MARK4: variants seen among roughly 807,000 people sequenced by gnomAD.
MARK4 encodes the protein microtubule affinity regulating kinase 4, also known as MAP/microtubule affinity-regulating kinase 4.
In MARK4, 19 loss-of-function variants were observed where a neutral mutation model predicts 81.5. That is an observed-to-expected ratio of 0.23 (90% CI 0.16 to 0.34). The LOEUF is 0.34. Among genes scored for constraint, MARK4 ranks in the 10% least tolerant of loss-of-function variants. The pLI is 1.00. For synonymous variants in MARK4, 436 were observed against 439.0 expected, an observed-to-expected ratio of 0.99 and a Z score of 0.08; for missense variants, 772 against 1,058.8, an observed-to-expected ratio of 0.73 and a Z score of 3.76.
At chr19:45,272,503 C>T (rs187662809) in intron 8 of MARK4, among the ~76,000 whole-genome samples, 2 of 152,022 alleles carry the variant, frequency 1.3e-5, no homozygotes, top group Non-Finnish European at 2.9e-5. Context: ...AAGTGGATTA[C>T]TGGTTGCCTG....
intron 1 of MARK4, among the ~76,000 whole-genome samples, chr19:45,256,961 T>C (rs1030301143): frequency 7.9e-6 from 1 of 126,526 alleles, no homozygotes; most frequent in Non-Finnish European, 1.7e-5. Context: ...GTTTTTCCTC[T>C]TTTTTTTTTA....
At chr19:45,254,027 C>T (rs773600332) in intron 1 of MARK4, among the ~76,000 whole-genome samples, 11 of 152,276 alleles carry the variant, frequency 7.2e-5, no homozygotes, top group Non-Finnish European at 1.5e-4. Flanking sequence ...GCCTGTCAGT[C>T]CTGGTGGGGA....
At chr19:45,299,767 C>A in intron 15 of MARK4, 44 bp from the exon 16 acceptor site, 1 of 1,529,470 alleles carries the variant, frequency 6.5e-7, no homozygotes, top group Non-Finnish European at 8.9e-7. Context: ...GAGGTGGGTT[C>A]CCTATGTCCA....
intron 4 of MARK4, among the ~76,000 whole-genome samples, chr19:45,264,240 G>A (rs974224608): frequency 4.0e-5 from 6 of 151,716 alleles, no homozygotes; most frequent in African/African-American, 1.5e-4. Context: ...GGTGGCTCAC[G>A]TCTGTAATCC....
At chr19:45,263,082 G>T (rs1970400224) in intron 2 of MARK4, 31 bp from the exon 3 acceptor site, 5 of 1,588,792 alleles carry the variant, frequency 3.1e-6, no homozygotes, top group South Asian at 1.1e-5. Context: ...GTGGCACCTT[G>T]ACCGTCCCTC....
At position 45,291,880 on chromosome 19, in the gene MARK4, G is replaced by A. The variant is rs58422624; in HGVS notation, c.1495-2469G>A. Among the ~76,000 whole-genome samples, 725 of 152,326 alleles carry A rather than the reference G, an allele frequency of 4.8e-3. 5 individuals carry two copies. The highest frequency in any genetic ancestry group is 0.017 in the African/African-American group (687 of 41,584). Reference sequence around the variant, plus strand: ...AGAGCTTCTTGATGCCCAGAGGGCTGGACAATAGGCACTGGGGCCCTGCTG... The same window carrying A: ...AGAGCTTCTTGATGCCCAGAGGGCTAGACAATAGGCACTGGGGCCCTGCTG... On this transcript the variant is annotated intron_variant, in intron 13 of 16. Coordinates refer to ENST00000262891, the MANE Select transcript of MARK4 (RefSeq NM_001199867.2).
chr19:45,282,946 C>T (rs79654353), intron 12 of MARK4, among the ~76,000 whole-genome samples: 2,103 of 152,142 alleles, frequency 0.014, 43 homozygotes, highest in African/African-American at 0.048. Flanking sequence ...GAGCCGTGAT[C>T]GCGCCACTGT....
intron 8 of MARK4, among the ~76,000 whole-genome samples, chr19:45,272,139 C>T (rs1970536611): frequency 6.6e-6 from 1 of 152,076 alleles, no homozygotes. Flanking sequence ...CAAGACCAGC[C>T]TGGGCAACAT....
rs747496129 is a variant in MARK4, at chr19:45,302,474, G to A, written c.2023G>A (p.Ala675Thr). 9 of 1,611,954 alleles carry A rather than the reference G, an allele frequency of 5.6e-6. No individual in the cohort carries two copies. Among genetic ancestry groups the A allele is most frequent in the South Asian group, 4.4e-5 (4 of 91,080 alleles). Residue 675 changes from alanine (A) to threonine (T), a missense_variant, in exon 17 of 17, where the codon GCA (alanine) becomes ACA (threonine). Coordinates refer to ENST00000262891, the MANE Select transcript of MARK4 (RefSeq NM_001199867.2). The surrounding 1 kb of genome is among the most constrained non-coding windows in gnomAD (Gnocchi z 4.9). Reference protein sequence around the residue: ...TSSRPPEALMAALRQATAAAR... With the variant: ...TSSRPPEALMTALRQATAAAR... ...CTCGCGCCCTCCTGAGGCCCTGATG[G>A]CAGCTCTGCGCCAGGCCACAGCAGC...
chr19:45,289,153 T>A (rs1052388762), intron 13 of MARK4, among the ~76,000 whole-genome samples: 1 of 149,688 alleles, frequency 6.7e-6, no homozygotes, highest in Non-Finnish European at 1.5e-5. Flanking sequence ...ACTTTGGGAG[T>A]CCGAGGAGGG....
chr19:45,284,174 A>G (rs1423489558), intron 12 of MARK4, among the ~76,000 whole-genome samples: 1 of 151,050 alleles, frequency 6.6e-6, no homozygotes, highest in Non-Finnish European at 1.5e-5. Flanking sequence ...TTGCCCAGCT[A>G]ATTTTGTATT....
intron 2 of MARK4, 65 bp downstream of exon 2, chr19:45,259,254 T>G (rs1407787752): frequency 6.4e-7 from 1 of 1,563,884 alleles, no homozygotes; most frequent in Non-Finnish European, 8.7e-7. Context: ...CGGTGTATGT[T>G]GATAGAGGTC....
chr19:45,299,111 G>A (rs1297616804), intron 15 of MARK4, among the ~76,000 whole-genome samples: 2 of 151,422 alleles, frequency 1.3e-5, no homozygotes, highest in South Asian at 4.2e-4. Flanking sequence ...AGGGGAATAA[G>A]GGGTGTGGGG....
Position 45,304,528 on chromosome 19 carries a change from T to C in MARK4, c.*1818T>C, listed in dbSNP as rs1158107273. The C allele has an allele frequency of 6.6e-6, 1 of 152,216 alleles. No homozygotes were observed. The highest frequency in any genetic ancestry group is 2.4e-5 in the African/African-American group (1 of 41,450). The allele number at this position is 152,216 out of a possible 1,614,324, so 9.4% of individuals were successfully genotyped here. ...GGGGCCAAAATGAATAAGCTGGACT[T>C]TCTCCCCATGGCACTGGGGAACCAT... is the stretch of plus-strand genomic sequence containing the variant. On this transcript the variant is annotated 3_prime_UTR_variant, in exon 17 of 17. Transcript: ENST00000262891.
intron 8 of MARK4, among the ~76,000 whole-genome samples, chr19:45,274,066 A>G (rs944709339): frequency 6.6e-6 from 1 of 151,480 alleles, no homozygotes; most frequent in East Asian, 2.0e-4. Flanking sequence ...TGGCTAACAC[A>G]CTGAAACCCC....
chr19:45,253,826 G>T (rs1797298675), intron 1 of MARK4, among the ~76,000 whole-genome samples: 1 of 152,142 alleles, frequency 6.6e-6, no homozygotes, highest in Non-Finnish European at 1.5e-5. Context: ...TTCACATCCT[G>T]TTTCTGTCCC....
intron 15 of MARK4, among the ~76,000 whole-genome samples, chr19:45,298,835 G>C (rs1970926673): frequency 6.6e-6 from 1 of 152,044 alleles, no homozygotes; most frequent in African/African-American, 2.4e-5. Context: ...CAGCACTTTG[G>C]GAGGCTGAGG....
Position 45,265,429 on chromosome 19 carries a change from T to G in MARK4, c.492+519T>G, listed in dbSNP as rs1026104988. On this transcript the variant is annotated intron_variant, in intron 6 of 16. Transcript: ENST00000262891. ...GCATGCCGGTATGTGGGTGCCCGGG[T>G]GTGCGAGTGCCCAGATGTATGGGTT... Among the ~76,000 whole-genome samples the G allele has an allele frequency of 4.6e-4, 70 of 151,706 alleles. 2 individuals are homozygous for G. The highest frequency in any genetic ancestry group is 5.3e-4 in the Non-Finnish European group (36 of 67,940).
At chr19:45,283,979 A>G (rs1457507942) in intron 12 of MARK4, among the ~76,000 whole-genome samples, 2 of 149,964 alleles carry the variant, frequency 1.3e-5, no homozygotes. Flanking sequence ...TACATATCTC[A>G]CCTTATCTTT....
Sources: allele counts gnomAD v4.1 joint callset (sites outside exome capture counted in the v4.1 genomes callset), GRCh38; gene constraint gnomAD v4.1.1; non-coding constraint Gnocchi (gnomAD v3.1); transcripts MANE v1.5; gene names NCBI Gene and HGNC (gene_info 2026-07-23, HGNC 2026-07-21).